The following OPHN1 variants were observed in gnomAD, a reference collection of about 807,000 sequenced individuals.
The protein encoded by OPHN1 is oligophrenin 1.
OPHN1 carries 11 observed loss-of-function variants against 60.7 expected under a neutral mutation model. The observed-to-expected ratio is 0.18, with a 90% CI of 0.11 to 0.30. The LOEUF is 0.30. Ranked by LOEUF, OPHN1 falls within the 10% of genes least tolerant of loss-of-function variation. The pLI, the probability that OPHN1 is intolerant of heterozygous loss-of-function variation, is 1.00. For synonymous variants in OPHN1, 226 were observed against 222.6 expected, an observed-to-expected ratio of 1.02 and a Z score of -0.14; for missense variants, 449 against 611.0, an observed-to-expected ratio of 0.73 and a Z score of 2.80.
intron 2 of OPHN1, among the ~76,000 whole-genome samples, chrX:68,317,730 AAAG>A (rs1482469715): frequency 9.1e-6 from 1 of 110,322 alleles, no homozygotes; most frequent in Non-Finnish European, 1.9e-5. Context: ...AAAGAAAAGA[AAAG>A]AAAAAAGAAA....
intron 5 of OPHN1, among the ~76,000 whole-genome samples, chrX:68,261,007 T>C (rs933011762): frequency 1.8e-5 from 2 of 111,814 alleles, no homozygotes; most frequent in African/African-American, 6.5e-5. Flanking sequence ...GTGATAACTG[T>C]ACATGGATGA....
At chrX:68,430,725 G>A (rs1178385812) in intron 2 of OPHN1, among the ~76,000 whole-genome samples, 3 of 110,748 alleles carry the variant, frequency 2.7e-5, no homozygotes, top group Non-Finnish European at 5.7e-5. Context: ...TGGGGAGGAT[G>A]AGGCAGGAGG....
At chrX:68,328,668 T>C (rs1040141828) in intron 2 of OPHN1, among the ~76,000 whole-genome samples, 1 of 111,590 alleles carries the variant, frequency 9.0e-6, no homozygotes. Flanking sequence ...TTGTAACATA[T>C]ATAACAAATA....
chrX:68,384,839 A>G (rs984905338), intron 2 of OPHN1, among the ~76,000 whole-genome samples: 8 of 111,828 alleles, frequency 7.2e-5, no homozygotes, highest in African/African-American at 2.6e-4. Context: ...GTTCTCGCTT[A>G]TAAGTGCGAA....
intron 20 of OPHN1, among the ~76,000 whole-genome samples, chrX:68,065,136 TATAATA>T (rs1228960068): frequency 9.0e-6 from 1 of 110,763 alleles, no homozygotes; most frequent in Non-Finnish European, 1.9e-5. Context: ...GAACTTAAAG[TATAATA>T]ATAATAAAAA....
chrX:68,387,200 T>TTCTC (rs61349611), intron 2 of OPHN1, among the ~76,000 whole-genome samples: 13,584 of 98,902 alleles, frequency 0.14, 2,046 homozygotes, highest in African/African-American at 0.43. Flanking sequence ...TTCTTTCTGT[T>TTCTC]TCTCTCTCTC....
intron 19 of OPHN1, among the ~76,000 whole-genome samples, chrX:68,083,007 G>A (rs1462447876): frequency 1.9e-5 from 2 of 105,154 alleles, no homozygotes; most frequent in Non-Finnish European, 3.9e-5. Flanking sequence ...TTATGTCATG[G>A]AACTGGTTTA....
At chrX:68,351,894 T>A (rs1167284074) in intron 2 of OPHN1, among the ~76,000 whole-genome samples, 1 of 79,672 alleles carries the variant, frequency 1.3e-5, no homozygotes, top group Non-Finnish European at 2.2e-5. Flanking sequence ...TTTTTTTTTT[T>A]GAGACGGAGT....
intron 18 of OPHN1, among the ~76,000 whole-genome samples, chrX:68,108,109 A>C (rs2077089186): frequency 8.9e-6 from 1 of 112,255 alleles, no homozygotes; most frequent in Admixed American, 9.4e-5. Context: ...AATCAAATAC[A>C]TTATTTATTG....
At chrX:68,288,040 C>T (rs968150185) in intron 3 of OPHN1, among the ~76,000 whole-genome samples, 2 of 111,565 alleles carry the variant, frequency 1.8e-5, no homozygotes, top group Non-Finnish European at 3.8e-5. Context: ...AATATGTGGC[C>T]TGAAAAAGCC....
chrX:68,357,411 C>T (rs910473199), intron 2 of OPHN1, among the ~76,000 whole-genome samples: 4 of 108,739 alleles, frequency 3.7e-5, no homozygotes, highest in Non-Finnish European at 7.6e-5. Flanking sequence ...CCTGCCCCCA[C>T]CCCACAACAG....
intron 4 of OPHN1, among the ~76,000 whole-genome samples, chrX:68,275,014 G>C (rs1413746859): frequency 8.9e-6 from 1 of 112,032 alleles, no homozygotes; most frequent in African/African-American, 3.2e-5. Flanking sequence ...AGAATAAGAG[G>C]GGCATTTCTC....
chrX:68,100,155 G>A (rs369842735), intron 18 of OPHN1, among the ~76,000 whole-genome samples: 4 of 111,158 alleles, frequency 3.6e-5, no homozygotes, highest in South Asian at 3.8e-4. Context: ...TAGTGCTCTC[G>A]AAAATAATTG....
intron 5 of OPHN1, among the ~76,000 whole-genome samples, chrX:68,256,882 A>C (rs540735723): frequency 9.1e-6 from 1 of 110,215 alleles, no homozygotes. Flanking sequence ...AATTACAAAA[A>C]TTAGCTGGGT....
intron 2 of OPHN1, among the ~76,000 whole-genome samples, chrX:68,370,011 A>AACATATATATATATATATATATATAT (rs2078519052): frequency 1.6e-5 from 1 of 64,385 alleles, no homozygotes; most frequent in African/African-American, 7.8e-5. Context: ...AAATTGCTGA[A>AACATATATATATATATATATATATAT]ATATATATAT....
chrX:68,402,023 T>G (rs781333236), intron 2 of OPHN1, among the ~76,000 whole-genome samples: 39 of 111,672 alleles, frequency 3.5e-4, no homozygotes, highest in African/African-American at 1.2e-3. Flanking sequence ...GAACAGGAAG[T>G]GGCATGATGA....
At position 68,110,511 on chromosome X, in the gene OPHN1, C is replaced by T. The variant is rs751350539; in HGVS notation, c.1526+1343G>A. Among the ~76,000 whole-genome samples, 3 of 111,497 alleles carry T rather than the reference C, an allele frequency of 2.7e-5. No individual in the cohort carries two copies. In the South Asian group the frequency reaches 1.1e-3, roughly 42 times the overall value. Reference sequence around the variant, plus strand: ...TTGAGATTAGCTGCTTCAGTCTCTTCGTGTTATAGATGCACAAACCTGTGG... The same window carrying T: ...TTGAGATTAGCTGCTTCAGTCTCTTTGTGTTATAGATGCACAAACCTGTGG... On this transcript the variant is annotated intron_variant, in intron 18 of 24. Coordinates refer to ENST00000355520, the MANE Select transcript of OPHN1 (RefSeq NM_002547.3).
chrX:68,110,074 G>A (rs2077097832), intron 18 of OPHN1, among the ~76,000 whole-genome samples: 1 of 110,629 alleles, frequency 9.0e-6, no homozygotes, highest in South Asian at 3.8e-4. Context: ...ATAACTGAAT[G>A]TGTAGATTTG....
rs749405379 is a variant in OPHN1 at position 68,375,842 on chromosome X, C to T, written c.154+57025G>A. Among the ~76,000 whole-genome samples, 443 of 111,339 alleles carry T rather than the reference C, an allele frequency of 4.0e-3. 2 individuals are homozygous for T. Among genetic ancestry groups the T allele is most frequent in the Non-Finnish European group, 4.9e-3 (260 of 53,137 alleles). On this transcript the variant is annotated intron_variant, in intron 2 of 24. Transcript: ENST00000355520. ...ACAAAGTAGGGACTATTATAATCTT[C>T]ATTTTATGGATGAGAAAACTGAGGC...
Sources: gnomAD v4.1 joint callset for allele counts (sites outside exome capture counted in the v4.1 genomes callset) on GRCh38, gnomAD v4.1.1 for gene constraint, MANE v1.5 for transcripts, NCBI Gene and HGNC (gene_info 2026-07-23, HGNC 2026-07-21) for gene names.